Variants in RBM48 observed in about 807,000 individuals in gnomAD.
RBM48 encodes RNA binding motif protein 48.
In RBM48, 32 loss-of-function variants were observed where a neutral mutation model predicts 34.8. The observed-to-expected ratio is 0.92, with a 90% CI of 0.69 to 1.23. The LOEUF is 1.23. RBM48 is among the 50% of genes most tolerant of loss of function. The pLI, the probability that RBM48 is intolerant of heterozygous loss-of-function variation, is 0.00. For missense variants in RBM48, 441 were observed against 447.2 expected (o/e 0.99, Z 0.12); for synonymous variants, 151 against 156.2 (o/e 0.97, Z 0.25).
rs1000885834 is a variant in RBM48 at position 92,529,557 on chromosome 7, C to A, written c.193C>A (p.Arg65=). 3.1e-6 allele frequency: 5 copies of A among 1,609,974 alleles called. No homozygotes were observed. In the African/African-American group the frequency reaches 4.0e-5, roughly 13 times the overall value. The change falls in exon 2 of 5, where the codon CGA becomes AGA. Residue 65 remains arginine (R), a synonymous_variant. Transcript: ENST00000265732. ...GGGAGTCATGAAGGAATTAGTTGAGCGATTCGCTTTATATGGTGCAATTGA... is the reference window on the plus strand; with the variant it reads ...GGGAGTCATGAAGGAATTAGTTGAGAGATTCGCTTTATATGGTGCAATTGA... ...AVGVMKELVE[R]FALYGAIEQY...
rs1443764133 is a variant in RBM48, at chr7:92,528,837, A to G, written c.24A>G (p.Leu8=). 8.7e-6 allele frequency: 14 copies of G among 1,613,904 alleles called. No homozygotes were observed. Among genetic ancestry groups the G allele is most frequent in the Non-Finnish European group, 1.1e-5 (13 of 1,179,950 alleles). Residue 8 remains leucine (L), a synonymous_variant, in exon 1 of 5, where the codon CTA becomes CTG. Transcript: ENST00000265732. ...AGATGGCGTCGAGCGGCGGGGAGCT[A>G]GGGAGTTTATTTGATCACCACGTCC... MASSGGE[L]GSLFDHHVQR...
Position 92,537,815 on chromosome 7 carries a change from A to G in RBM48, c.*878A>G, listed in dbSNP as rs1793759579. 1 of 152,114 alleles carries G rather than the reference A, an allele frequency of 6.6e-6. No individual in the cohort carries two copies. The allele number at this position is 152,114 out of a possible 1,614,324, so 9.4% of individuals were successfully genotyped here. Reference sequence around the variant, plus strand: ...TAATTGGAAATTTCAGTACATCTAGACTGTCTCTATTTTCTTTTTCTTTTT... The same window carrying G: ...TAATTGGAAATTTCAGTACATCTAGGCTGTCTCTATTTTCTTTTTCTTTTT... On this transcript the variant is annotated 3_prime_UTR_variant, in exon 5 of 5. Transcript: ENST00000265732.
Position 92,529,708 on chromosome 7 carries a change from C to G in RBM48, c.302+42C>G, listed in dbSNP as rs374076181. 1.3e-4 allele frequency: 162 copies of G among 1,285,976 alleles called. No homozygotes were observed. The African/African-American group carries it at 2.1e-3, about 17-fold the overall frequency. The allele number at this position is 1,285,976 out of a possible 1,614,324, so 79.7% of individuals were successfully genotyped here. A position where few individuals can be genotyped will look rare whatever the true frequency, so the allele number is the denominator to read the frequency against. On this transcript the variant is annotated intron_variant, in intron 2 of 4. Coordinates refer to ENST00000265732, the MANE Select transcript of RBM48 (RefSeq NM_032120.4). Reference sequence around the variant, plus strand: ...GAAATGACTCATTTCCTCATTTCTTCCATTCATATTTCTGTCATTTTGGCC... The same window carrying G: ...GAAATGACTCATTTCCTCATTTCTTGCATTCATATTTCTGTCATTTTGGCC...
rs981411130 is a variant in RBM48, at chr7:92,539,010, A to G, written c.*2073A>G. Among the ~76,000 whole-genome samples the G allele has an allele frequency of 1.3e-5, 2 of 152,204 alleles. No individual in the cohort carries two copies. The highest frequency in any genetic ancestry group is 2.9e-5 in the Non-Finnish European group (2 of 68,038). On this transcript the variant is annotated 3_prime_UTR_variant, in exon 5 of 5. Transcript: ENST00000265732. ...TGGTGTCAAGCAGCAAAACAAAACAAAAAGATTCAAATTAAGTTGGTTTGG... is the reference window on the plus strand; with the variant it reads ...TGGTGTCAAGCAGCAAAACAAAACAGAAAGATTCAAATTAAGTTGGTTTGG...
In RBM48 at chr7:92,540,153, T is replaced by C. The variant is rs903978466; in HGVS notation, c.*3216T>C. 1 of 152,248 alleles carries C rather than the reference T, an allele frequency of 6.6e-6. No individual in the cohort carries two copies. Among genetic ancestry groups the C allele is most frequent in the Non-Finnish European group, 1.5e-5 (1 of 68,044 alleles). The allele number at this position is 152,248 out of a possible 1,614,324, so 9.4% of individuals were successfully genotyped here. On this transcript the variant is annotated 3_prime_UTR_variant, in exon 5 of 5. Transcript: ENST00000265732. Reference sequence around the variant, plus strand: ...TGGGGCTGAACTCTCAATGATTGCCTTGACTTCAGCAGTGGGCTGCAGCCC... The same window carrying C: ...TGGGGCTGAACTCTCAATGATTGCCCTGACTTCAGCAGTGGGCTGCAGCCC...
rs1585280925 is a variant in RBM48, at chr7:92,538,006, T to C, written c.*1069T>C. The C allele has an allele frequency of 6.6e-6, 1 of 152,330 alleles. No homozygotes were observed. The highest frequency in any genetic ancestry group is 1.9e-4 in the East Asian group (1 of 5,186). 9.4% of individuals were successfully genotyped at this position (152,330 alleles called of 1,614,324 possible). Reference sequence around the variant, plus strand: ...GATAAAAATAACTTGAGAAGGTCCATACCGTGGTGTGTTGTTTTCATTTCT... The same window carrying C: ...GATAAAAATAACTTGAGAAGGTCCACACCGTGGTGTGTTGTTTTCATTTCT... On this transcript the variant is annotated 3_prime_UTR_variant, in exon 5 of 5. Transcript: ENST00000265732.
At chr7:92,529,782 A>G (rs994195581) in intron 2 of RBM48, 116 bp downstream of exon 2, 4 of 608,008 alleles carry the variant, frequency 6.6e-6, no homozygotes, top group African/African-American at 1.9e-5. Flanking sequence ...GTAATCTAGC[A>G]TATCTTCCTC....
rs374879878 is a variant in RBM48 at position 92,528,865 on chromosome 7, A to G, written c.52A>G (p.Arg18Gly). The G allele has an allele frequency of 1.2e-6, 2 of 1,613,962 alleles. No individual in the cohort carries two copies. Among genetic ancestry groups the G allele is most frequent in the African/African-American group, 2.7e-5 (2 of 74,902 alleles). Reference sequence around the variant, plus strand: ...GAGTTTATTTGATCACCACGTCCAGAGGGCGGTATGCGACACACGGGCCAA... The same window carrying G: ...GAGTTTATTTGATCACCACGTCCAGGGGGCGGTATGCGACACACGGGCCAA... Reference protein sequence around the residue: ...LGSLFDHHVQRAVCDTRAKYR... With the variant: ...LGSLFDHHVQGAVCDTRAKYR... Residue 18 changes from arginine (R) to glycine (G), a missense_variant, in exon 1 of 5, where the codon AGG (arginine) becomes GGG (glycine). Arg to Gly is a moderately radical substitution (Grantham distance 125, BLOSUM62 -2). Coordinates refer to ENST00000265732, the MANE Select transcript of RBM48 (RefSeq NM_032120.4).
rs572555942 is a variant in RBM48, at chr7:92,534,915, T to C, written c.962T>C (p.Met321Thr). ...PLLPDISKVD[M>T]HDDSLNTTAN... ...TTACCAGACATCTCTAAAGTGGATA[T>C]GCACGATGACTCATTGAATACAACG... The change falls in exon 4 of 5, where the codon ATG becomes ACG. Residue 321 changes from methionine to threonine, a missense_variant. By Grantham distance (81) the Met-to-Thr change is moderately conservative. Transcript: ENST00000265732. The C allele has an allele frequency of 1.1e-5, 18 of 1,614,198 alleles. No individual in the cohort carries two copies. The African/African-American group carries it at 1.6e-4, about 14-fold the overall frequency.
chr7:92,534,684 T>C lies in RBM48; in HGVS notation c.731T>C (p.Leu244Ser). The change falls in exon 4 of 5, where the codon TTG becomes TCG. Residue 244 changes from leucine to serine, a missense_variant. Leu to Ser is a moderately radical substitution (Grantham distance 145). Transcript: ENST00000265732. ...GGGCATTATAACCACAATGACTCTT[T>C]GCGGAAAACACAGATAAACTCTTTG... Reference protein sequence around the residue: ...TMGHYNHNDSLRKTQINSLKN... With the variant: ...TMGHYNHNDSSRKTQINSLKN... 6.2e-7 allele frequency: 1 copy of C among 1,614,210 alleles called. No individual in the cohort carries two copies. The highest frequency in any genetic ancestry group is 8.5e-7 in the Non-Finnish European group (1 of 1,180,040).
Position 92,540,321 on chromosome 7 carries a change from T to C in RBM48, c.*3384T>C, listed in dbSNP as rs767505267. ...ACCTCCAACAGAAGTCTGTCTTCTC[T>C]TACTGTTTTTCAAAGTCTGCAAGCG... On this transcript the variant is annotated 3_prime_UTR_variant, in exon 5 of 5. Coordinates refer to ENST00000265732, the MANE Select transcript of RBM48 (RefSeq NM_032120.4). The C allele has an allele frequency of 1.3e-5, 2 of 152,258 alleles. No individual in the cohort carries two copies. Among genetic ancestry groups the C allele is most frequent in the Admixed American group, 6.5e-5 (1 of 15,286 alleles). The allele number at this position is 152,258 out of a possible 1,614,324, so 9.4% of individuals were successfully genotyped here.
intron 3 of RBM48, among the ~76,000 whole-genome samples, chr7:92,533,551 C>A (rs1176247600): frequency 6.6e-6 from 1 of 152,170 alleles, no homozygotes; most frequent in Non-Finnish European, 1.5e-5. Context: ...CTCTTAAGAC[C>A]TTTTTGCTGT....
At chr7:92,529,408 A>G in intron 1 of RBM48, 68 bp from the exon 2 acceptor site, 4 of 955,160 alleles carry the variant, frequency 4.2e-6, no homozygotes, top group Non-Finnish European at 6.3e-6. Context: ...CTCTTTAAAA[A>G]AAAATAGAGG....
chr7:92,539,698 CAAAAA>C lies in RBM48; in HGVS notation c.*2765_*2769del, dbSNP rs560783644. On this transcript the variant is annotated 3_prime_UTR_variant, in exon 5 of 5. Transcript: ENST00000265732. ...TGGGCAACAGACGGAGACTGTGTCT[CAAAAA>C]AAAGTGTTCTTGTATACCATGTTTG... Among the ~76,000 whole-genome samples, 6 of 151,550 alleles carry C rather than the reference CAAAAA, an allele frequency of 4.0e-5. No individual in the cohort carries two copies. In the South Asian group the frequency reaches 1.2e-3, roughly 32 times the overall value.
At chr7:92,534,120 A>C (rs1349757295) in intron 3 of RBM48, 1 of 343,784 alleles carries the variant, frequency 2.9e-6, no homozygotes, top group East Asian at 7.1e-5. Context: ...TGGCAAAGTG[A>C]GACATATTGA....
At chr7:92,533,768 A>G (rs996663944) in intron 3 of RBM48, among the ~76,000 whole-genome samples, 1 of 152,168 alleles carries the variant, frequency 6.6e-6, no homozygotes, top group African/African-American at 2.4e-5. Context: ...AACATTAACA[A>G]TCATCAACAC....
In RBM48 at chr7:92,536,927, G is replaced by C. The variant is rs777904927; in HGVS notation, c.1094G>C (p.Arg365Thr). 2 of 1,597,910 alleles carry C rather than the reference G, an allele frequency of 1.3e-6. No homozygotes were observed. The highest frequency in any genetic ancestry group is 4.5e-5 in the East Asian group (2 of 44,396). ...ACAAGTCATCCATTAAAACAAAGAA[G>C]AAGAATATAGAGTGCCAGCAGCAAC... ...VHTSHPLKQR[R>T]RI Residue 365 changes from arginine (R) to threonine (T), a missense_variant, in exon 5 of 5, where the codon AGA (arginine) becomes ACA (threonine). By Grantham distance (71) the Arg-to-Thr change is moderately conservative (BLOSUM62 -1). Transcript: ENST00000265732.
intron 2 of RBM48, 26 bp from the exon 3 acceptor site, chr7:92,532,378 C>T: frequency 6.4e-7 from 1 of 1,572,984 alleles, no homozygotes. Context: ...GATTAAAAAA[C>T]TATGCTATCT....
In RBM48 at chr7:92,534,990, A is replaced by G. The variant is rs1793675745; in HGVS notation, c.1017+20A>G. 6.2e-7 allele frequency: 1 copy of G among 1,612,832 alleles called. No homozygotes were observed. Among genetic ancestry groups the G allele is most frequent in the African/African-American group, 1.3e-5 (1 of 74,894 alleles). ...AAAGAGGTAAGGTTATTTTTAAAAAACTATTCTAAGACACGATTTGGTTAT... is the reference window on the plus strand; with the variant it reads ...AAAGAGGTAAGGTTATTTTTAAAAAGCTATTCTAAGACACGATTTGGTTAT... On this transcript the variant is annotated intron_variant, in intron 4 of 4. Transcript: ENST00000265732.
Sources: gnomAD v4.1 joint callset for allele counts (sites outside exome capture counted in the v4.1 genomes callset) on GRCh38, gnomAD v4.1.1 for gene constraint, MANE v1.5 for transcripts, NCBI Gene and HGNC (gene_info 2026-07-23, HGNC 2026-07-21) for gene names.